Variants in AKAP13 observed in about 807,000 individuals in gnomAD.
AKAP13 encodes A-kinase anchor protein 13.
AKAP13 carries 80 observed loss-of-function variants against 264.5 expected under a neutral mutation model. The observed-to-expected ratio is 0.30, with a 90% CI of 0.25 to 0.36. The LOEUF is 0.36. Ranked by LOEUF, AKAP13 falls within the 10% of genes least tolerant of loss-of-function variation. AKAP13 has a pLI of 1.00. For missense variants in AKAP13, 3,712 were observed against 3,435.2 expected (o/e 1.08, Z -2.01); for synonymous variants, 1,380 against 1,250.2 (o/e 1.10, Z -2.19).
At chr15:85,430,638 C>T (rs571168647) in intron 1 of AKAP13, among the ~76,000 whole-genome samples, 21 of 152,214 alleles carry the variant, frequency 1.4e-4, no homozygotes, top group African/African-American at 5.1e-4. Flanking sequence ...GTCTTGGTAG[C>T]GTTTCTGCCT....
intron 26 of AKAP13, 162 bp from the exon 27 acceptor site, chr15:85,726,248 C>A (rs953037686): frequency 7.5e-6 from 4 of 532,538 alleles, no homozygotes; most frequent in Non-Finnish European, 1.4e-5. Flanking sequence ...TCCTGGAGAA[C>A]TGTAAAACTG....
At chr15:85,682,044 T>C (rs1185376368) in intron 14 of AKAP13, 114 bp from the exon 15 acceptor site, 4 of 949,104 alleles carry the variant, frequency 4.2e-6, no homozygotes, top group Non-Finnish European at 6.6e-6. Flanking sequence ...TACCATGTGC[T>C]GACTTTCACA....
chr15:85,550,771 A>G (rs919090667), intron 5 of AKAP13, among the ~76,000 whole-genome samples: 9 of 152,214 alleles, frequency 5.9e-5, no homozygotes, highest in Non-Finnish European at 1.0e-4. Flanking sequence ...CCAAATTCCC[A>G]TTCATCAGTC....
rs1175923804 is a variant in AKAP13, at chr15:85,392,769, A to T, written c.-12+11971A>T. ...AAAATTGTTAGCACATACTCTTCCCACCAGGCTAATCGTGGCACCATTTTG... is the reference window on the plus strand; with the variant it reads ...AAAATTGTTAGCACATACTCTTCCCTCCAGGCTAATCGTGGCACCATTTTG... On this transcript the variant is annotated intron_variant, in intron 1 of 36. Coordinates refer to ENST00000394518, the MANE Select transcript of AKAP13 (RefSeq NM_007200.5). Among the ~76,000 whole-genome samples the T allele has an allele frequency of 2.0e-5, 3 of 152,124 alleles. No homozygotes were observed. In the East Asian group the frequency reaches 5.8e-4, roughly 29 times the overall value.
Position 85,669,848 on chromosome 15 carries a change from T to A in AKAP13, c.5101+18T>A, listed in dbSNP as rs1281631727. The A allele has an allele frequency of 1.3e-5, 19 of 1,505,436 alleles. No individual in the cohort carries two copies. The highest frequency in any genetic ancestry group is 2.8e-5 in the African/African-American group (2 of 71,622). The allele number at this position is 1,505,436 out of a possible 1,614,324, so 93.3% of individuals were successfully genotyped here. On this transcript the variant is annotated intron_variant, in intron 14 of 36. Coordinates refer to ENST00000394518, the MANE Select transcript of AKAP13 (RefSeq NM_007200.5). Reference sequence around the variant, plus strand: ...ATTGGACAGTGAGTATACTACTTTTTAAAAAAATTAAATATATTAAATCTT... The same window carrying A: ...ATTGGACAGTGAGTATACTACTTTTAAAAAAAATTAAATATATTAAATCTT...
chr15:85,558,774 G>A (rs962465257), intron 5 of AKAP13, among the ~76,000 whole-genome samples: 1 of 152,062 alleles, frequency 6.6e-6, no homozygotes, highest in African/African-American at 2.4e-5. Context: ...AAATAAAACT[G>A]GAAGAAATGG....
At chr15:85,496,509 A>G (rs1447586047) in intron 2 of AKAP13, among the ~76,000 whole-genome samples, 1 of 152,204 alleles carries the variant, frequency 6.6e-6, no homozygotes, top group Non-Finnish European at 1.5e-5. Context: ...TGTAGTTTGC[A>G]TAAATAATCA....
chr15:85,731,481 A>G (rs1567219386), intron 30 of AKAP13, among the ~76,000 whole-genome samples: 1 of 151,888 alleles, frequency 6.6e-6, no homozygotes, highest in Non-Finnish European at 1.5e-5. Context: ...TGACTTAGAG[A>G]GTTTCCCACA....
At chr15:85,678,019 C>A (rs377243069) in intron 14 of AKAP13, among the ~76,000 whole-genome samples, 2 of 152,116 alleles carry the variant, frequency 1.3e-5, no homozygotes, top group Admixed American at 6.5e-5. Context: ...TTTGGATAAG[C>A]TGTAGGCTTC....
chr15:85,605,691 A>C (rs988225564), intron 8 of AKAP13, among the ~76,000 whole-genome samples: 1 of 152,230 alleles, frequency 6.6e-6, no homozygotes, highest in Non-Finnish European at 1.5e-5. Context: ...GTGAACAAAT[A>C]ATATAAAAAT....
chr15:85,395,329 C>T (rs565522255), intron 1 of AKAP13, among the ~76,000 whole-genome samples: 113 of 152,152 alleles, frequency 7.4e-4, no homozygotes, highest in Admixed American at 1.5e-3. Context: ...TTTTTTTCTC[C>T]ATCCCTTTCC....
At chr15:85,544,466 A>G (rs1192994564) in intron 5 of AKAP13, among the ~76,000 whole-genome samples, 1 of 152,208 alleles carries the variant, frequency 6.6e-6, no homozygotes, top group African/African-American at 2.4e-5. Flanking sequence ...ATTTGAGAGC[A>G]GTGGTTTCTT....
chr15:85,489,648 A>G lies in AKAP13; in HGVS notation c.33+3895A>G, dbSNP rs187488043. ...GAGTATCATCATTAGAAGGGAGAATATTGCTGCTAAATAAGGAAAAACACT... is the reference window on the plus strand; with the variant it reads ...GAGTATCATCATTAGAAGGGAGAATGTTGCTGCTAAATAAGGAAAAACACT... On this transcript the variant is annotated intron_variant, in intron 2 of 36. Coordinates refer to ENST00000394518, the MANE Select transcript of AKAP13 (RefSeq NM_007200.5). Among the ~76,000 whole-genome samples, 104 of 152,276 alleles carry G rather than the reference A, an allele frequency of 6.8e-4. 3 individuals carry two copies. In the South Asian group the frequency reaches 0.021, roughly 31 times the overall value.
At chr15:85,662,342 T>C (rs746378654) in intron 12 of AKAP13, 1 of 1,602,688 alleles carries the variant, frequency 6.2e-7, no homozygotes. Context: ...TCCTGTTTCC[T>C]CTTTTCTCCC....
intron 2 of AKAP13, among the ~76,000 whole-genome samples, chr15:85,506,771 A>G (rs1164173514): frequency 6.6e-6 from 1 of 152,192 alleles, no homozygotes; most frequent in African/African-American, 2.4e-5. Context: ...AACCATGTAC[A>G]GAAAGCACAT....
intron 1 of AKAP13, chr15:85,415,105 T>C (rs1490236525): frequency 1.6e-6 from 1 of 628,132 alleles, no homozygotes; most frequent in Non-Finnish European, 2.8e-6. Flanking sequence ...AATTTTTCTA[T>C]AATTAGTAAC....
chr15:85,731,912 A>G (rs554718530), intron 30 of AKAP13, among the ~76,000 whole-genome samples: 10 of 152,094 alleles, frequency 6.6e-5, no homozygotes, highest in South Asian at 4.2e-4. Flanking sequence ...GTGCAACCCT[A>G]TCCCTACTAA....
chr15:85,731,489 A>G (rs1346644006), intron 30 of AKAP13, among the ~76,000 whole-genome samples: 1 of 151,580 alleles, frequency 6.6e-6, no homozygotes, highest in African/African-American at 2.4e-5. Context: ...AGAGTTTCCC[A>G]CAGTTTGGAT....
rs368891893 is a variant in AKAP13 at position 85,618,614 on chromosome 15, TTAGA to T, written c.4162-20755_4162-20752del. 4.6e-4 allele frequency among the ~76,000 whole-genome samples: 70 copies of T among 152,186 alleles called. No individual in the cohort carries two copies. In the East Asian group the frequency reaches 8.9e-3, roughly 19 times the overall value. On this transcript the variant is annotated intron_variant, in intron 8 of 36. Transcript: ENST00000394518. ...TGAAGTAAGTCTGTCCCTGAGAATG[TTAGA>T]TAGAGTGGGGGGCTAGAAGGGTCTG...
Sources: allele counts gnomAD v4.1 joint callset (sites outside exome capture counted in the v4.1 genomes callset), GRCh38; gene constraint gnomAD v4.1.1; transcripts MANE v1.5; gene names NCBI Gene and HGNC (gene_info 2026-07-23, HGNC 2026-07-21).